STKLD1: variants seen among roughly 807,000 people sequenced by gnomAD.
STKLD1 encodes serine/threonine kinase like domain containing 1, also known as serine/threonine kinase-like domain-containing protein STKLD1.
A neutral mutation model predicts 80.4 loss-of-function variants in STKLD1; 79 were observed. The observed-to-expected ratio is 0.98, with a 90% CI of 0.82 to 1.19. STKLD1 has a LOEUF of 1.19. STKLD1 is among the 50% of genes most tolerant of loss of function. The pLI, the probability that STKLD1 is intolerant of heterozygous loss-of-function variation, is 0.00. For missense variants in STKLD1, 841 were observed against 856.0 expected, an observed-to-expected ratio of 0.98 and a Z score of 0.22; for synonymous variants, 393 against 357.6, an observed-to-expected ratio of 1.10 and a Z score of -1.12.
chr9:133,392,416 G>A (rs1838420979), intron 7 of STKLD1, among the ~76,000 whole-genome samples: 1 of 151,834 alleles, frequency 6.6e-6, no homozygotes, highest in Admixed American at 6.6e-5. Flanking sequence ...GGGTGGGTGT[G>A]TGGTTTGGTG....
Position 133,396,002 on chromosome 9 carries a change from G to A in STKLD1, c.866+239G>A, listed in dbSNP as rs147840770. Reference sequence around the variant, plus strand: ...CTGACCCCCAGGAGGCACAGGAGGCGTAGCCCCCAGGACCCACGACACTTT... The same window carrying A: ...CTGACCCCCAGGAGGCACAGGAGGCATAGCCCCCAGGACCCACGACACTTT... On this transcript the variant is annotated intron_variant, in intron 9 of 17. Transcript: ENST00000371957. The A allele has an allele frequency of 7.1e-5, 29 of 409,206 alleles. No individual in the cohort carries two copies. The South Asian group carries it at 8.8e-4, about 12-fold the overall frequency. 25.3% of individuals were successfully genotyped at this position (409,206 alleles called of 1,614,324 possible). A position where few individuals can be genotyped will look rare whatever the true frequency, so the allele number is the denominator to read the frequency against.
chr9:133,392,152 C>G (rs1489640853), intron 7 of STKLD1, among the ~76,000 whole-genome samples: 1 of 151,326 alleles, frequency 6.6e-6, no homozygotes, highest in Non-Finnish European at 1.5e-5. Context: ...TCTCGGCTCA[C>G]TGCAAGCTCC....
Position 133,404,947 on chromosome 9 carries a change from C to G in STKLD1, c.1873+18C>G. On this transcript the variant is annotated intron_variant, in intron 17 of 17. Transcript: ENST00000371957. ...TTCCTATGGTGAGAACCCCTTCTCA[C>G]CTCACACTCCCTAGAGCCCAGCGGT... 1 of 1,612,158 alleles carries G rather than the reference C, an allele frequency of 6.2e-7. No homozygotes were observed. The highest frequency in any genetic ancestry group is 8.5e-7 in the Non-Finnish European group (1 of 1,179,496).
Position 133,376,439 on chromosome 9 carries a change from G to A in STKLD1, c.-35G>A. Reference sequence around the variant, plus strand: ...CTGACCCACGCGGGGTGGGGCCAGGGGTGGACGCTCGCCCGTACGCGGTCG... The same window carrying A: ...CTGACCCACGCGGGGTGGGGCCAGGAGTGGACGCTCGCCCGTACGCGGTCG... On this transcript the variant is annotated 5_prime_UTR_variant, in exon 1 of 18. Transcript: ENST00000371957. The A allele has an allele frequency of 6.5e-7, 1 of 1,543,688 alleles. No homozygotes were observed.
Position 133,394,162 on chromosome 9 carries a change from A to T in STKLD1, c.584-129A>T, listed in dbSNP as rs1838495607. 1.4e-6 allele frequency: 1 copy of T among 697,758 alleles called. No homozygotes were observed. Among genetic ancestry groups the T allele is most frequent in the Non-Finnish European group, 2.6e-6 (1 of 380,872 alleles). 43.2% of individuals were successfully genotyped at this position (697,758 alleles called of 1,614,324 possible). ...CACCTCTTCTGAGAAGAGGACCTGCAGGGCTTGTGTTTCAAGCTGCTTGCG... is the reference window on the plus strand; with the variant it reads ...CACCTCTTCTGAGAAGAGGACCTGCTGGGCTTGTGTTTCAAGCTGCTTGCG... On this transcript the variant is annotated intron_variant, in intron 7 of 17. Transcript: ENST00000371957. The surrounding 1 kb of genome is among the most constrained non-coding windows in gnomAD (Gnocchi z 4.9).
Position 133,401,987 on chromosome 9 carries a change from G to A in STKLD1, c.1339+109G>A, listed in dbSNP as rs587715225. ...AGGTGGGTTGGACAGGACAGTGCTG[G>A]GCCTCCTCCTGAGATACATGGTGGC... On this transcript the variant is annotated intron_variant, in intron 13 of 17. Coordinates refer to ENST00000371957, the MANE Select transcript of STKLD1 (RefSeq NM_153710.5). 7.7e-5 allele frequency: 105 copies of A among 1,358,372 alleles called. 1 individual carries two copies. The African/African-American group carries it at 1.4e-3, about 18-fold the overall frequency. The allele number at this position is 1,358,372 out of a possible 1,614,324, so 84.1% of individuals were successfully genotyped here.
In STKLD1 at chr9:133,385,071, G is replaced by A. The variant is rs1564376630; in HGVS notation, c.220-546G>A. Among the ~76,000 whole-genome samples the A allele has an allele frequency of 1.3e-5, 2 of 152,270 alleles. No homozygotes were observed. Among genetic ancestry groups the A allele is most frequent in the East Asian group, 1.9e-4 (1 of 5,168 alleles). ...GCCGCACGCCGCCGTGGCTTTTCAC[G>A]TTGCCGATTCCCATCCACAGCCCAC... On this transcript the variant is annotated intron_variant, in intron 3 of 17. Coordinates refer to ENST00000371957, the MANE Select transcript of STKLD1 (RefSeq NM_153710.5). The surrounding 1 kb of genome is among the most constrained non-coding windows in gnomAD (Gnocchi z 4.9).
intron 14 of STKLD1, among the ~76,000 whole-genome samples, 170 bp downstream of exon 14, chr9:133,403,182 A>G (rs62575995): frequency 0.4 from 61,398 of 152,142 alleles, 13,787 homozygotes; most frequent in South Asian, 0.52. Flanking sequence ...GAAGAAAATC[A>G]AGGAGCAGAG....
At chr9:133,386,105 GA>G (rs1838259376) in intron 4 of STKLD1, among the ~76,000 whole-genome samples, 1 of 152,156 alleles carries the variant, frequency 6.6e-6, no homozygotes, top group South Asian at 2.1e-4. Flanking sequence ...TTTTAGTAGA[GA>G]CGGGGTTTCA....
Position 133,383,795 on chromosome 9 carries a change from C to T in STKLD1, c.175-61C>T, listed in dbSNP as rs1554774995. On this transcript the variant is annotated intron_variant, in intron 2 of 17. Coordinates refer to ENST00000371957, the MANE Select transcript of STKLD1 (RefSeq NM_153710.5). ...ATGGTCGTTGTGGTGGTGGTGATGGCGGTGATAACGGAGATGATTTGCTAC... is the reference window on the plus strand; with the variant it reads ...ATGGTCGTTGTGGTGGTGGTGATGGTGGTGATAACGGAGATGATTTGCTAC... 1.5e-5 allele frequency: 22 copies of T among 1,499,768 alleles called. No homozygotes were observed. The African/African-American group carries it at 1.5e-4, about 10-fold the overall frequency. The allele number at this position is 1,499,768 out of a possible 1,614,324, so 92.9% of individuals were successfully genotyped here.
chr9:133,387,790 T>G, intron 5 of STKLD1: 1 of 618,570 alleles, frequency 1.6e-6, no homozygotes, highest in Non-Finnish European at 3.0e-6. Flanking sequence ...CACTAGAAGG[T>G]TCCCAGTCGG....
chr9:133,401,851 A>T lies in STKLD1; in HGVS notation c.1312A>T (p.Ser438Cys). The change falls in exon 13 of 18, where the codon AGC becomes TGC. Residue 438 changes from serine to cysteine, a missense_variant. Physicochemically the swap from Ser to Cys is moderately radical, Grantham distance 112. Transcript: ENST00000371957. ...GGAGCCACTTCTTGTCATGGTCTAC[A>T]GCCTGCTAGCCATCACCACAACCCA... ...EEEPLLVMVY[S>C]LLAITTTQES... is the part of the protein sequence containing the mutation. 6.2e-7 allele frequency: 1 copy of T among 1,613,556 alleles called. No individual in the cohort carries two copies. The highest frequency in any genetic ancestry group is 8.5e-7 in the Non-Finnish European group (1 of 1,180,004).
intron 11 of STKLD1, among the ~76,000 whole-genome samples, chr9:133,398,735 C>T (rs587644469): frequency 3.3e-4 from 51 of 152,316 alleles, no homozygotes; most frequent in African/African-American, 1.1e-3. Context: ...GCTACGCTTG[C>T]ACCACCGCAC....
At chr9:133,399,143 C>T (rs1418095432) in intron 11 of STKLD1, among the ~76,000 whole-genome samples, 11 of 152,296 alleles carry the variant, frequency 7.2e-5, no homozygotes, top group Admixed American at 3.9e-4. Context: ...CGTGAGACAC[C>T]GTGCTCGGCC....
At position 133,385,337 on chromosome 9, in the gene STKLD1, A is replaced by AC. The variant is rs1838239568; in HGVS notation, c.220-274dup. On this transcript the variant is annotated intron_variant, in intron 3 of 17. Transcript: ENST00000371957. This position sits in a 1 kb window ranked among gnomAD's most constrained non-coding sequence, Gnocchi z 4.9. ...TGGCACTGCCTGCCACAGCTCACTC[A>AC]CCCCCCATGGTATCCCTGTGAGGCA... Among the ~76,000 whole-genome samples the AC allele has an allele frequency of 6.6e-6, 1 of 150,586 alleles. No homozygotes were observed. The highest frequency in any genetic ancestry group is 2.5e-5 in the African/African-American group (1 of 40,804).
chr9:133,381,940 C>T (rs1264595266), intron 2 of STKLD1, among the ~76,000 whole-genome samples: 1 of 152,214 alleles, frequency 6.6e-6, no homozygotes, highest in East Asian at 1.9e-4. Context: ...ACATGATGGT[C>T]TGCATTCACC....
At chr9:133,377,382 T>C (rs1838006259) in intron 1 of STKLD1, among the ~76,000 whole-genome samples, 1 of 152,208 alleles carries the variant, frequency 6.6e-6, no homozygotes, top group African/African-American at 2.4e-5. Flanking sequence ...CAGCAGTCCC[T>C]GGCCGGGCTC....
At chr9:133,396,192 G>C (rs28592958) in intron 9 of STKLD1, 18,320 of 158,496 alleles carry the variant, frequency 0.12, 1,411 homozygotes, top group African/African-American at 0.22. Flanking sequence ...CAGCACTTTG[G>C]GGGGCTGAGG....
chr9:133,397,274 G>A lies in STKLD1; in HGVS notation c.977G>A (p.Gly326Asp). Residue 326 changes from glycine (G) to aspartate (D), a missense_variant, in exon 10 of 18, where the codon GGC (glycine) becomes GAC (aspartate). By Grantham distance (94) the Gly-to-Asp change is moderately conservative (BLOSUM62 -1). Coordinates refer to ENST00000371957, the MANE Select transcript of STKLD1 (RefSeq NM_153710.5). ...PASITDMLLE[G>D]NVASILEVMQ... is the part of the protein sequence containing the mutation. ...TCCATCACCGACATGCTGTTAGAAG[G>A]CAACGTGGCCAGCATTTTAGGTGAT... is the stretch of plus-strand genomic sequence containing the variant. The A allele has an allele frequency of 6.2e-7, 1 of 1,613,692 alleles. No homozygotes were observed. Among genetic ancestry groups the A allele is most frequent in the Non-Finnish European group, 8.5e-7 (1 of 1,180,022 alleles).
Sources: gnomAD v4.1 joint callset for allele counts (sites outside exome capture counted in the v4.1 genomes callset) on GRCh38, gnomAD v4.1.1 for gene constraint, Gnocchi (gnomAD v3.1) non-coding constraint, MANE v1.5 for transcripts, NCBI Gene and HGNC (gene_info 2026-07-23, HGNC 2026-07-21) for gene names.